GABRB3: variants seen among roughly 807,000 people sequenced by gnomAD.
GABRB3 encodes gamma-aminobutyric acid type A receptor subunit beta3, also known as gamma-aminobutyric acid receptor subunit beta-3.
In GABRB3, 14 loss-of-function variants were observed where a neutral mutation model predicts 52.1. The ratio of observed to expected loss-of-function variants is 0.27; its 90% CI spans 0.18 to 0.42. GABRB3 has a LOEUF of 0.42. Among genes scored for constraint, GABRB3 ranks in the 10% least tolerant of loss-of-function variants. The pLI is 1.00. For missense variants in GABRB3, 307 were observed against 609.1 expected (o/e 0.50, Z 5.22); for synonymous variants, 260 against 232.3 (o/e 1.12, Z -1.08).
intron 3 of GABRB3, among the ~76,000 whole-genome samples, chr15:26,705,792 G>A (rs1260875926): frequency 6.6e-6 from 1 of 152,180 alleles, no homozygotes; most frequent in Admixed American, 6.5e-5. Flanking sequence ...CCTTCATGAT[G>A]GTGATGGTTT....
At chr15:26,658,548 G>A (rs1469527027) in intron 3 of GABRB3, 1 of 152,200 alleles carries the variant, frequency 6.6e-6, no homozygotes, top group African/African-American at 2.4e-5. Flanking sequence ...TAATCAACTG[G>A]ATATCTGGAG....
At chr15:26,609,926 A>T (rs996342487) in intron 4 of GABRB3, among the ~76,000 whole-genome samples, 21 of 151,970 alleles carry the variant, frequency 1.4e-4, no homozygotes, top group African/African-American at 5.1e-4. Context: ...ATAGAAATTG[A>T]CCCTCCCCAT....
chr15:26,547,419 C>A lies in GABRB3; in HGVS notation c.*374G>T. On this transcript the variant is annotated 3_prime_UTR_variant, in exon 9 of 9. Coordinates refer to ENST00000311550, the MANE Select transcript of GABRB3 (RefSeq NM_000814.6). ...CATTTGGGGATGATATTGTGTTTCA[C>A]GCCCTCATTCTCAAGGCATAATATT... is the stretch of plus-strand genomic sequence containing the variant. 2.3e-6 allele frequency: 1 copy of A among 440,118 alleles called. No homozygotes were observed. The highest frequency in any genetic ancestry group is 4.0e-6 in the Non-Finnish European group (1 of 250,264). 27.3% of individuals were successfully genotyped at this position (440,118 alleles called of 1,614,324 possible).
rs1301549600 is a variant in GABRB3 at position 26,544,994 on chromosome 15, A to G, written c.*2799T>C. On this transcript the variant is annotated 3_prime_UTR_variant, in exon 9 of 9. Transcript: ENST00000311550. ...AGTAACGAGAGGTCATTTTAACACA[A>G]CAGAGACTCCAATTCAACTCTCTTC... is the stretch of plus-strand genomic sequence containing the variant. The G allele has an allele frequency of 6.6e-6, 1 of 152,600 alleles. No homozygotes were observed. Among genetic ancestry groups the G allele is most frequent in the Non-Finnish European group, 1.5e-5 (1 of 68,042 alleles). 9.5% of individuals were successfully genotyped at this position (152,600 alleles called of 1,614,324 possible). A position where few individuals can be genotyped will look rare whatever the true frequency, so the allele number is the denominator to read the frequency against.
At chr15:26,628,843 A>G (rs1342942703) in intron 3 of GABRB3, 2 of 906,172 alleles carry the variant, frequency 2.2e-6, no homozygotes, top group Admixed American at 2.2e-5. Flanking sequence ...GGGGGCCAGC[A>G]GAGGCCTGAA....
intron 3 of GABRB3, among the ~76,000 whole-genome samples, chr15:26,713,783 G>A (rs1045143953): frequency 9.9e-5 from 15 of 152,220 alleles, no homozygotes; most frequent in African/African-American, 3.6e-4. Context: ...TCATCAGGCA[G>A]CACACTCCTG....
intron 6 of GABRB3, among the ~76,000 whole-genome samples, chr15:26,572,451 G>C (rs984057091): frequency 3.9e-5 from 6 of 152,186 alleles, no homozygotes; most frequent in Non-Finnish European, 8.8e-5. Context: ...CCACGAGACA[G>C]AGACCTCGGA....
intron 4 of GABRB3, among the ~76,000 whole-genome samples, chr15:26,592,451 AAAAAGCT>A (rs1395284382): frequency 2.0e-5 from 3 of 152,236 alleles, no homozygotes; most frequent in Non-Finnish European, 4.4e-5. Context: ...GGAAGCATAG[AAAAAGCT>A]AAAGTTGAAA....
At chr15:26,687,288 T>A (rs1888436381) in intron 3 of GABRB3, among the ~76,000 whole-genome samples, 1 of 152,252 alleles carries the variant, frequency 6.6e-6, no homozygotes, top group Non-Finnish European at 1.5e-5. Flanking sequence ...AAATTATATA[T>A]GTGTATGGGA....
chr15:26,597,641 A>G (rs1891443099), intron 4 of GABRB3, among the ~76,000 whole-genome samples: 2 of 152,192 alleles, frequency 1.3e-5, no homozygotes, highest in Non-Finnish European at 2.9e-5. Flanking sequence ...ACATTCTTAG[A>G]GCTAACAAAA....
rs902144183 is a variant in GABRB3, at chr15:26,668,522, G to C, written c.241-46988C>G. On this transcript the variant is annotated intron_variant, in intron 3 of 8. Transcript: ENST00000311550. Reference sequence around the variant, plus strand: ...ATACATACAGTTTTCCCTTTACCTTGGATGTCATTTATGTGTTTTTTTCTG... The same window carrying C: ...ATACATACAGTTTTCCCTTTACCTTCGATGTCATTTATGTGTTTTTTTCTG... Among the ~76,000 whole-genome samples the C allele has an allele frequency of 2.7e-5, 4 of 148,470 alleles. No homozygotes were observed. The Admixed American group carries it at 2.8e-4, about 10-fold the overall frequency.
At chr15:26,716,586 C>T in intron 3 of GABRB3, 2 of 992,604 alleles carry the variant, frequency 2.0e-6, no homozygotes, top group Non-Finnish European at 1.2e-6. Flanking sequence ...GCCTGCCTCA[C>T]ATCAACTTGT....
rs749519657 is a variant in GABRB3 at position 26,772,468 on chromosome 15, A to C, written c.174T>G (p.Gly58=). Residue 58 remains glycine, a splice_region_variant and synonymous_variant, in exon 3 of 9, where the codon GGT becomes GGG. Transcript: ENST00000311550. ...YDIRLRPDFG[G]PPVCVGMNID... Reference sequence around the variant, plus strand: ...TGTTCATCCCCACGCAGACCGGGGGACCTGCGGGAAGCACAGGACACGGCG... The same window carrying C: ...TGTTCATCCCCACGCAGACCGGGGGCCCTGCGGGAAGCACAGGACACGGCG... The C allele has an allele frequency of 1.9e-5, 31 of 1,610,036 alleles. No individual in the cohort carries two copies. Among genetic ancestry groups the C allele is most frequent in the Non-Finnish European group, 2.4e-5 (28 of 1,178,270 alleles).
At chr15:26,722,023 A>G (rs737098) in intron 3 of GABRB3, among the ~76,000 whole-genome samples, 35,852 of 152,076 alleles carry the variant, frequency 0.24, 4,423 homozygotes, top group Non-Finnish European at 0.26. Flanking sequence ...AAAGTTTTAC[A>G]TTCTTTAAAT....
At position 26,554,031 on chromosome 15, in the gene GABRB3, ATATATT is replaced by A. The variant is rs1244749189; in HGVS notation, c.1081-5903_1081-5898del. ...CTGACACCTGACTATTTATATATAT[ATATATT>A]TATTTATTTATATTTATTTATATAT... On this transcript the variant is annotated intron_variant, in intron 8 of 8. Coordinates refer to ENST00000311550, the MANE Select transcript of GABRB3 (RefSeq NM_000814.6). Among the ~76,000 whole-genome samples, 7 of 76,018 alleles carry A rather than the reference ATATATT, an allele frequency of 9.2e-5. 1 individual carries two copies. The highest frequency in any genetic ancestry group is 4.2e-4 in the African/African-American group (7 of 16,818). 49.9% of individuals were successfully genotyped at this position (76,018 alleles called of 152,430 possible).
chr15:26,651,520 A>G (rs1310051540), intron 3 of GABRB3, among the ~76,000 whole-genome samples: 3 of 152,232 alleles, frequency 2.0e-5, no homozygotes, highest in Non-Finnish European at 2.9e-5. Flanking sequence ...GTGGTTTCTG[A>G]CTGAGGAAAA....
intron 2 of GABRB3, 33 bp downstream of exon 2, chr15:26,772,648 G>A: frequency 6.6e-7 from 1 of 1,523,778 alleles, no homozygotes; most frequent in Non-Finnish European, 8.8e-7. Flanking sequence ...CGTGGGTCGC[G>A]CTTCCCGCAA....
At chr15:26,559,024 C>T (rs925792423) in intron 8 of GABRB3, among the ~76,000 whole-genome samples, 4 of 152,116 alleles carry the variant, frequency 2.6e-5, no homozygotes, top group African/African-American at 9.7e-5. Flanking sequence ...GCACATCTCA[C>T]GAGGACAGAA....
intron 3 of GABRB3, among the ~76,000 whole-genome samples, chr15:26,698,673 T>C (rs1888827053): frequency 6.6e-6 from 1 of 152,144 alleles, no homozygotes; most frequent in Non-Finnish European, 1.5e-5. Context: ...TGATGGGAGA[T>C]GAGCGATATT....
Sources: gnomAD v4.1 joint callset for allele counts (sites outside exome capture counted in the v4.1 genomes callset) on GRCh38, gnomAD v4.1.1 for gene constraint, MANE v1.5 for transcripts, NCBI Gene and HGNC (gene_info 2026-07-23, HGNC 2026-07-21) for gene names.